HELLS: variants seen among roughly 807,000 people sequenced by gnomAD.
The protein encoded by HELLS is lymphoid-specific helicase.
Under a neutral mutation model 120.0 loss-of-function variants are expected in HELLS, and 32 were observed. The observed-to-expected ratio is 0.27, with a 90% CI of 0.20 to 0.36. The LOEUF (loss-of-function observed/expected upper bound fraction) is 0.36, where lower values mean the gene tolerates loss of function less well. HELLS is among the 10% of genes least tolerant of loss of function. HELLS has a pLI of 1.00. For missense variants in HELLS, 650 were observed against 993.4 expected (o/e 0.65, Z 4.65); for synonymous variants, 341 against 323.4 (o/e 1.05, Z -0.58).
intron 11 of HELLS, among the ~76,000 whole-genome samples, chr10:94,582,052 G>C (rs896635806): frequency 6.6e-6 from 1 of 152,180 alleles, no homozygotes; most frequent in Non-Finnish European, 1.5e-5. Flanking sequence ...AAAGTAATTA[G>C]TAGCTTCAGA....
chr10:94,584,649 A>G (rs973120865), intron 12 of HELLS, among the ~76,000 whole-genome samples: 2 of 152,148 alleles, frequency 1.3e-5, no homozygotes, highest in Non-Finnish European at 2.9e-5. Flanking sequence ...GTTACCTCAC[A>G]GTGTATACAG....
chr10:94,582,921 T>C (rs1275229015), intron 11 of HELLS, 42 bp from the exon 12 acceptor site: 4 of 1,050,782 alleles, frequency 3.8e-6, no homozygotes, highest in Non-Finnish European at 2.9e-6. Flanking sequence ...TTGACATAAT[T>C]GAATTTATGT....
rs1234964768 is a variant in HELLS at position 94,595,143 on chromosome 10, G to A, written c.2248+289G>A. Among the ~76,000 whole-genome samples the A allele has an allele frequency of 3.3e-5, 5 of 151,958 alleles. No homozygotes were observed. In the East Asian group the frequency reaches 9.7e-4, roughly 29 times the overall value. On this transcript the variant is annotated intron_variant, in intron 19 of 21. Transcript: ENST00000348459. Reference sequence around the variant, plus strand: ...CTCAGGAAGCTGAGGCAGGAGAATCGCTTGAACCCGGGAGGAGGAGGTTGC... The same window carrying A: ...CTCAGGAAGCTGAGGCAGGAGAATCACTTGAACCCGGGAGGAGGAGGTTGC...
At position 94,554,842 on chromosome 10, in the gene HELLS, T is replaced by G. The variant is rs572091175; in HGVS notation, c.276+594T>G. Reference sequence around the variant, plus strand: ...ACGATTGAATCAATCACGTCTATGTTATGAGGTCTTCATTAAAAACCCAAA... The same window carrying G: ...ACGATTGAATCAATCACGTCTATGTGATGAGGTCTTCATTAAAAACCCAAA... On this transcript the variant is annotated intron_variant, in intron 3 of 21. Coordinates refer to ENST00000348459, the MANE Select transcript of HELLS (RefSeq NM_018063.5). Among the ~76,000 whole-genome samples the G allele has an allele frequency of 6.6e-5, 10 of 152,182 alleles. No individual in the cohort carries two copies. In the South Asian group the frequency reaches 2.1e-3, roughly 32 times the overall value.
chr10:94,568,845 C>CT (rs35081827), intron 6 of HELLS, among the ~76,000 whole-genome samples: 52,520 of 146,862 alleles, frequency 0.36, 9,608 homozygotes, highest in East Asian at 0.67. Flanking sequence ...ACCTTTATCA[C>CT]TTTTTTTTTT....
intron 6 of HELLS, chr10:94,571,124 A>T (rs1479136259): frequency 3.4e-6 from 1 of 292,438 alleles, no homozygotes; most frequent in Non-Finnish European, 6.3e-6. Context: ...ATCTACTCAG[A>T]TTAAAAGAAA....
intron 8 of HELLS, chr10:94,607,869 A>G: frequency 2.6e-6 from 1 of 391,210 alleles, no homozygotes; most frequent in Non-Finnish European, 5.1e-6. Context: ...TTGGGATTAC[A>G]GGTGCATGCC....
intron 21 of HELLS, among the ~76,000 whole-genome samples, chr10:94,601,012 A>G (rs1056692152): frequency 6.6e-5 from 10 of 152,196 alleles, no homozygotes; most frequent in African/African-American, 2.4e-4. Context: ...TGATGAACAG[A>G]CAAGGATGAT....
At chr10:94,607,237 G>A (rs1410247262) in intron 8 of HELLS, among the ~76,000 whole-genome samples, 2 of 151,920 alleles carry the variant, frequency 1.3e-5, no homozygotes, top group Non-Finnish European at 2.9e-5. Context: ...ACCACTTCTG[G>A]GTTTTTTAGT....
At chr10:94,549,683 C>A (rs539373327) in intron 2 of HELLS, among the ~76,000 whole-genome samples, 1 of 152,250 alleles carries the variant, frequency 6.6e-6, no homozygotes, top group East Asian at 1.9e-4. Context: ...TTGGCATACT[C>A]TGTACTGTAG....
At chr10:94,600,297 A>AT (rs1845966498) in intron 21 of HELLS, among the ~76,000 whole-genome samples, 1 of 151,924 alleles carries the variant, frequency 6.6e-6, no homozygotes, top group South Asian at 2.1e-4. Flanking sequence ...TCTCTTAAAA[A>AT]AAAAAAAAAA....
At chr10:94,560,589 G>C (rs1407275805) in intron 4 of HELLS, among the ~76,000 whole-genome samples, 1 of 151,936 alleles carries the variant, frequency 6.6e-6, no homozygotes, top group Non-Finnish European at 1.5e-5. Flanking sequence ...CCAGCTGCTT[G>C]GGAGGTTGAG....
chr10:94,548,255 C>G (rs1356726219), intron 2 of HELLS, among the ~76,000 whole-genome samples: 2 of 152,048 alleles, frequency 1.3e-5, no homozygotes, highest in African/African-American at 4.8e-5. Flanking sequence ...TATACATATA[C>G]TAAATATACT....
intron 21 of HELLS, among the ~76,000 whole-genome samples, chr10:94,599,320 A>C (rs533733150): frequency 1.3e-5 from 2 of 152,314 alleles, no homozygotes; most frequent in East Asian, 3.9e-4. Context: ...ATTAGATACC[A>C]AAAACCAACT....
At chr10:94,608,268 A>G (rs1032732446) in intron 9 of HELLS, among the ~76,000 whole-genome samples, 5 of 152,244 alleles carry the variant, frequency 3.3e-5, no homozygotes, top group Non-Finnish European at 7.3e-5. Flanking sequence ...TGAACTTGTT[A>G]ATAATTTTTC....
chr10:94,569,313 G>T (rs1441478793), intron 6 of HELLS: 1 of 151,946 alleles, frequency 6.6e-6, no homozygotes, highest in African/African-American at 2.4e-5. Context: ...CTCCCAAGTA[G>T]CTGGGATTAC....
chr10:94,569,140 A>G (rs1843994578), intron 6 of HELLS: 1 of 151,884 alleles, frequency 6.6e-6, no homozygotes, highest in African/African-American at 2.4e-5. Context: ...ACGCCCAGCC[A>G]ATCGCTTTTT....
chr10:94,603,326 A>C (rs1446080337), downstream of HELLS, among the ~76,000 whole-genome samples: 3 of 152,082 alleles, frequency 2.0e-5, no homozygotes, highest in African/African-American at 7.2e-5. Context: ...CAGTGACCTC[A>C]TTTTACTTGA....
intron 2 of HELLS, 111 bp downstream of exon 2, chr10:94,546,609 T>G: frequency 8.3e-7 from 1 of 1,204,094 alleles, no homozygotes; most frequent in Non-Finnish European, 1.2e-6. Context: ...TTTTAATAAC[T>G]GAAAGAAAAC....
Sources: gnomAD v4.1 joint callset for allele counts (sites outside exome capture counted in the v4.1 genomes callset) on GRCh38, gnomAD v4.1.1 for gene constraint, MANE v1.5 for transcripts, NCBI Gene and HGNC (gene_info 2026-07-23, HGNC 2026-07-21) for gene names.